TRIM28: variants seen among roughly 807,000 people sequenced by gnomAD.
TRIM28 encodes the protein tripartite motif containing 28.
In TRIM28, 8 loss-of-function variants were observed where a neutral mutation model predicts 87.4. That is an observed-to-expected ratio of 0.09 (90% confidence interval 0.05 to 0.17). TRIM28 has a LOEUF of 0.17. Among genes scored for constraint, TRIM28 ranks in the 10% least tolerant of loss-of-function variants. The pLI is 1.00. For synonymous variants in TRIM28, 601 were observed against 454.3 expected (o/e 1.32, Z -4.11); for missense variants, 968 against 1,131.8 (o/e 0.86, Z 2.08).
chr19:58,548,709 A>C (rs367553320), intron 9 of TRIM28, 31 bp from the exon 10 acceptor site: 1 of 1,612,666 alleles, frequency 6.2e-7, no homozygotes, highest in Admixed American at 1.7e-5. Flanking sequence ...TTCCTGTCCC[A>C]CTGAGGCAGA....
intron 16 of TRIM28, 21 bp from the exon 17 acceptor site, chr19:58,550,356 C>G: frequency 1.9e-6 from 3 of 1,613,020 alleles, no homozygotes; most frequent in African/African-American, 1.3e-5. Context: ...CATTCATCCA[C>G]TGCATTCCTG....
At chr19:58,545,280 T>TA in intron 1 of TRIM28, 145 bp from the exon 2 acceptor site, 1 of 896,656 alleles carries the variant, frequency 1.1e-6, no homozygotes, top group East Asian at 2.5e-5. Context: ...GACATCTGAC[T>TA]AAAGTTGGAG....
intron 1 of TRIM28, 109 bp downstream of exon 1, chr19:58,545,206 G>T: frequency 9.1e-7 from 1 of 1,099,710 alleles, no homozygotes; most frequent in Non-Finnish European, 1.3e-6. Flanking sequence ...GGCCCGGACA[G>T]GGCACGGGAA....
rs912365285 is a variant in TRIM28 at position 58,545,048 on chromosome 19, C to G, written c.291C>G (p.Pro97=). The change falls in exon 1 of 17, where the codon CCC becomes CCG. Residue 97 remains proline (P), a synonymous_variant. Transcript: ENST00000253024. ...GTGCCTGCTTAGGGCCCGCGGCCCC[C>G]GCCGCCGCCAACAGCTCGGGGGACG... ...ACSACLGPAA[P]AAANSSGDGG... 1.4e-6 allele frequency: 2 copies of G among 1,459,392 alleles called. No homozygotes were observed. Among genetic ancestry groups the G allele is most frequent in the Admixed American group, 3.0e-5 (1 of 32,832 alleles). The allele number at this position is 1,459,392 out of a possible 1,614,324, so 90.4% of individuals were successfully genotyped here. A position where few individuals can be genotyped will look rare whatever the true frequency, so the allele number is the denominator to read the frequency against.
rs758714859 is a variant in TRIM28, at chr19:58,547,911, G to C, written c.954+5G>C. On this transcript the variant is annotated splice_donor_5th_base_variant and intron_variant, in intron 6 of 16. Transcript: ENST00000253024. ...GTGCTGGTCAATGATGCCCAGGTAAGCCTTGTGCCGGTGAGAAGGGTCCCT... is the reference window on the plus strand; with the variant it reads ...GTGCTGGTCAATGATGCCCAGGTAACCCTTGTGCCGGTGAGAAGGGTCCCT... 3.1e-6 allele frequency: 5 copies of C among 1,614,042 alleles called. No individual in the cohort carries two copies. In the South Asian group the frequency reaches 4.4e-5, roughly 14 times the overall value.
chr19:58,545,976 G>A, intron 3 of TRIM28, 80 bp downstream of exon 3: 1 of 1,518,486 alleles, frequency 6.6e-7, no homozygotes, highest in Non-Finnish European at 8.9e-7. Flanking sequence ...GGTTGCATCT[G>A]GTGGATGGGT....
At chr19:58,548,464 C>G (rs192875942) in intron 8 of TRIM28, 22 bp from the exon 9 acceptor site, 280 of 1,613,916 alleles carry the variant, frequency 1.7e-4, no homozygotes, top group Non-Finnish European at 2.2e-4. Context: ...CACCTACTTA[C>G]GTTTCTCTCT....
chr19:58,545,596 G>A, intron 2 of TRIM28, 59 bp downstream of exon 2: 1 of 1,511,590 alleles, frequency 6.6e-7, no homozygotes, highest in Non-Finnish European at 9.1e-7. Flanking sequence ...CTGCGCAGGA[G>A]GAGCTTGGCA....
In TRIM28 at chr19:58,547,391, G is replaced by C; in HGVS notation, c.602G>C (p.Arg201Pro). ...TVRSTGPAKS[R>P]DGERTVYCNV... ...CACTCCCCAGGGCCAGCCAAGTCTC[G>C]GGATGGTGAACGTACTGTCTATTGC... The change falls in exon 4 of 17, where the codon CGG becomes CCG. Residue 201 changes from arginine to proline, a missense_variant. Arg to Pro is a moderately radical substitution (Grantham distance 103). Transcript: ENST00000253024. 1 of 1,613,700 alleles carries C rather than the reference G, an allele frequency of 6.2e-7. No individual in the cohort carries two copies. The highest frequency in any genetic ancestry group is 2.2e-5 in the East Asian group (1 of 44,872).
intron 3 of TRIM28, among the ~76,000 whole-genome samples, chr19:58,546,505 C>A (rs142280172): frequency 3.3e-5 from 5 of 152,108 alleles, no homozygotes; most frequent in African/African-American, 1.2e-4. Context: ...TACTGTGATT[C>A]TTCCCATCCC....
chr19:58,544,851 C>T lies in TRIM28; in HGVS notation c.94C>T (p.Arg32Cys). Residue 32 changes from arginine to cysteine, a missense_variant, in exon 1 of 17, where the codon CGC becomes TGC. Transcript: ENST00000253024. The part of the protein sequence containing the change: ...PGEGSAGGEK[R>C]STAPSAAASA... The stretch of plus-strand genomic sequence containing the variant: ...CGAGGGCTCCGCTGGCGGCGAAAAG[C>T]GCTCCACCGCCCCTTCGGCCGCAGC... The T allele has an allele frequency of 7.7e-7, 1 of 1,292,362 alleles. No individual in the cohort carries two copies. Among genetic ancestry groups the T allele is most frequent in the Non-Finnish European group, 9.8e-7 (1 of 1,021,132 alleles). 80.1% of individuals were successfully genotyped at this position (1,292,362 alleles called of 1,614,324 possible). A position where few individuals can be genotyped will look rare whatever the true frequency, so the allele number is the denominator to read the frequency against.
Position 58,548,742 on chromosome 19 carries a change from C to A in TRIM28, c.1326C>A (p.Pro442=). The A allele has an allele frequency of 6.2e-7, 1 of 1,613,898 alleles. No individual in the cohort carries two copies. The highest frequency in any genetic ancestry group is 8.5e-7 in the Non-Finnish European group (1 of 1,179,986). The part of the protein sequence containing the change: ...LSKQGSGSSQ[P]MEVQEGYGFG... The stretch of plus-strand genomic sequence containing the variant: ...AGAGGGTTCTGCTTTGTTCACAGCC[C>A]ATGGAGGTGCAGGAAGGCTATGGCT... The change falls in exon 10 of 17, where the codon CCC becomes CCA. Residue 442 remains proline (P), a splice_region_variant and synonymous_variant. Transcript: ENST00000253024.
At chr19:58,545,133 ACT>A (rs1568658941) in intron 1 of TRIM28, 36 bp downstream of exon 1, 4 of 1,380,718 alleles carry the variant, frequency 2.9e-6, no homozygotes, top group Admixed American at 3.4e-5. Flanking sequence ...CCCTCCCCCT[ACT>A]CTCTGCCTTT....
In TRIM28 at chr19:58,550,253, G is replaced by T. The variant is rs200494482; in HGVS notation, c.2300G>T (p.Arg767Leu). ...CAGGAGTTTGCCCAGGATGTGGGCC[G>T]CATGTTCAAGCAATTCAACAAGTTA... is the stretch of plus-strand genomic sequence containing the variant. Reference protein sequence around the residue: ...SPQEFAQDVGRMFKQFNKLTE... With the variant: ...SPQEFAQDVGLMFKQFNKLTE... Residue 767 changes from arginine (R) to leucine (L), a missense_variant, in exon 16 of 17, where the codon CGC (arginine) becomes CTC (leucine). Around this residue, in one of 11 missense-constraint regions of TRIM28, gnomAD observed 192 missense variants for 225.6 expected, o/e 0.85. Coordinates refer to ENST00000253024, the MANE Select transcript of TRIM28 (RefSeq NM_005762.3). 3 of 1,614,102 alleles carry T rather than the reference G, an allele frequency of 1.9e-6. No homozygotes were observed. The highest frequency in any genetic ancestry group is 2.2e-5 in the South Asian group (2 of 91,084).
chr19:58,549,023 T>C lies in TRIM28; in HGVS notation c.1445T>C (p.Met482Thr), dbSNP rs2053788213. 2.5e-6 allele frequency: 4 copies of C among 1,614,094 alleles called. No individual in the cohort carries two copies. Among genetic ancestry groups the C allele is most frequent in the Non-Finnish European group, 3.4e-6 (4 of 1,179,996 alleles). The change falls in exon 12 of 17, where the codon ATG becomes ACG. Residue 482 changes from methionine to threonine, a missense_variant. By Grantham distance (81) the Met-to-Thr change is moderately conservative (BLOSUM62 -1). Coordinates refer to ENST00000253024, the MANE Select transcript of TRIM28 (RefSeq NM_005762.3). The surrounding 1 kb of genome is among the most constrained non-coding windows in gnomAD (Gnocchi z 4.4). ...RSGEGEVSGLMRKVPRVSLER... is the reference protein window; with the variant it reads ...RSGEGEVSGLTRKVPRVSLER... Reference sequence around the variant, plus strand: ...GGTGAGGGCGAGGTGAGCGGCCTTATGCGCAAGGTGCCACGAGTGAGCCTT... The same window carrying C: ...GGTGAGGGCGAGGTGAGCGGCCTTACGCGCAAGGTGCCACGAGTGAGCCTT...
At position 58,544,901 on chromosome 19, in the gene TRIM28, G is replaced by A; in HGVS notation, c.144G>A (p.Ala48=). Residue 48 remains alanine (A), a synonymous_variant, in exon 1 of 17, where the codon GCG becomes GCA. Coordinates refer to ENST00000253024, the MANE Select transcript of TRIM28 (RefSeq NM_005762.3). The part of the protein sequence containing the change: ...AAASASASAA[A]SSPAGGGAEA... ...CCTCGGCCTCTGCCTCAGCCGCGGC[G>A]TCGTCGCCCGCGGGGGGCGGCGCCG... The A allele has an allele frequency of 2.2e-6, 3 of 1,380,230 alleles. No homozygotes were observed. The highest frequency in any genetic ancestry group is 2.8e-6 in the Non-Finnish European group (3 of 1,075,210). The allele number at this position is 1,380,230 out of a possible 1,614,324, so 85.5% of individuals were successfully genotyped here. A position where few individuals can be genotyped will look rare whatever the true frequency, so the allele number is the denominator to read the frequency against.
Position 58,545,745 on chromosome 19 carries a change from C to T in TRIM28, c.454-19C>T, listed in dbSNP as rs762168593. On this transcript the variant is annotated intron_variant, in intron 2 of 16. Coordinates refer to ENST00000253024, the MANE Select transcript of TRIM28 (RefSeq NM_005762.3). ...TATCAAGTTGTCTTGCCTTCTCTGA[C>T]CCTGCCTTTGTCTGGCAGTGCTGCA... 11 of 1,594,870 alleles carry T rather than the reference C, an allele frequency of 6.9e-6. No homozygotes were observed. Among genetic ancestry groups the T allele is most frequent in the East Asian group, 2.3e-5 (1 of 44,330 alleles).
Position 58,548,381 on chromosome 19 carries a change from G to T in TRIM28, c.1189G>T (p.Ala397Ser). The T allele has an allele frequency of 6.2e-7, 1 of 1,614,154 alleles. No homozygotes were observed. The highest frequency in any genetic ancestry group is 1.3e-5 in the African/African-American group (1 of 75,036). ...GEMKFQWDLN[A>S]WTKSAEAFGK... ...GATGAAGTTTCAGTGGGACCTCAAT[G>T]CCTGGACCAAGAGTGCCGAGGCCTT... The change falls in exon 8 of 17, where the codon GCC becomes TCC. Residue 397 changes from alanine (A) to serine (S), a missense_variant. Around this residue, in one of 11 missense-constraint regions of TRIM28, gnomAD observed 84 missense variants for 139.9 expected, o/e 0.60. Transcript: ENST00000253024.
In TRIM28 at chr19:58,550,365, T is replaced by G. The variant is rs770297276; in HGVS notation, c.2332-12T>G. ...AGGACCCATTCATCCACTGCATTCC[T>G]GCTTGGCCCAGGACAAGGCAGACGT... On this transcript the variant is annotated splice_polypyrimidine_tract_variant and intron_variant, in intron 16 of 16. Coordinates refer to ENST00000253024, the MANE Select transcript of TRIM28 (RefSeq NM_005762.3). The G allele has an allele frequency of 4.3e-6, 7 of 1,613,194 alleles. No individual in the cohort carries two copies. The East Asian group carries it at 1.3e-4, about 31-fold the overall frequency.
Sources: gnomAD v4.1 joint callset for allele counts (sites outside exome capture counted in the v4.1 genomes callset) on GRCh38, gnomAD v4.1.1 for gene constraint, gnomAD v4.1.1 regional missense constraint, Gnocchi (gnomAD v3.1) non-coding constraint, MANE v1.5 for transcripts, NCBI Gene and HGNC (gene_info 2026-07-23, HGNC 2026-07-21) for gene names.